Variants in LRRTM3 observed in about 807,000 individuals in gnomAD.
LRRTM3 encodes leucine-rich repeat transmembrane neuronal protein 3.
A neutral mutation model predicts 44.7 loss-of-function variants in LRRTM3; 24 were observed. The ratio of observed to expected loss-of-function variants is 0.54; its 90% CI spans 0.39 to 0.76. The LOEUF (loss-of-function observed/expected upper bound fraction) is 0.76, where lower values mean the gene tolerates loss of function less well. Among genes scored for constraint, LRRTM3 ranks in the 30% least tolerant of loss-of-function variants. LRRTM3 has a pLI of 0.00. For synonymous variants in LRRTM3, 277 were observed against 278.7 expected (o/e 0.99, Z 0.06); for missense variants, 587 against 702.2 (o/e 0.84, Z 1.85).
rs903906232 is a variant in LRRTM3 at position 67,099,020 on chromosome 10, G to C, written c.*1224G>C. 6.6e-6 allele frequency: 1 copy of C among 151,768 alleles called. No homozygotes were observed. Among genetic ancestry groups the C allele is most frequent in the South Asian group, 2.1e-4 (1 of 4,822 alleles). 9.4% of individuals were successfully genotyped at this position (151,768 alleles called of 1,614,324 possible). ...TGTACAGCTCATTCAATATAGATAT[G>C]AGCCATGGTGGAGAACTTTATCACT... is the stretch of plus-strand genomic sequence containing the variant. On this transcript the variant is annotated 3_prime_UTR_variant, in exon 3 of 3. Transcript: ENST00000361320.
intron 2 of LRRTM3, among the ~76,000 whole-genome samples, chr10:67,029,707 A>G (rs1853603320): frequency 6.6e-6 from 1 of 152,234 alleles, no homozygotes; most frequent in African/African-American, 2.4e-5. Flanking sequence ...GTAAAACAAA[A>G]GATATTTTTA....
At chr10:67,078,891 CA>C (rs1476386687) in intron 2 of LRRTM3, among the ~76,000 whole-genome samples, 1 of 152,164 alleles carries the variant, frequency 6.6e-6, no homozygotes, top group Non-Finnish European at 1.5e-5. Flanking sequence ...TTTGACAATG[CA>C]AAAGCAGAGA....
chr10:67,097,580 T>C lies in LRRTM3; in HGVS notation c.1537-7T>C, dbSNP rs1858082474. The C allele has an allele frequency of 6.2e-7, 1 of 1,611,200 alleles. No individual in the cohort carries two copies. The highest frequency in any genetic ancestry group is 1.3e-5 in the African/African-American group (1 of 74,856). On this transcript the variant is annotated splice_region_variant and splice_polypyrimidine_tract_variant and intron_variant, in intron 2 of 2. Transcript: ENST00000361320. Reference sequence around the variant, plus strand: ...TAACTGACTTTTCTCATGTCATTTTTCCCCAGATACCTTTATCAATGAATG... The same window carrying C: ...TAACTGACTTTTCTCATGTCATTTTCCCCCAGATACCTTTATCAATGAATG...
intron 2 of LRRTM3, among the ~76,000 whole-genome samples, chr10:67,044,336 A>C (rs1296596783): frequency 1.3e-5 from 2 of 152,192 alleles, no homozygotes; most frequent in Non-Finnish European, 2.9e-5. Flanking sequence ...AAAACGTTTA[A>C]AGTTTATTTC....
In LRRTM3 at chr10:67,100,126, T is replaced by C. The variant is rs1359295186; in HGVS notation, c.*2330T>C. Reference sequence around the variant, plus strand: ...TTTCTAGACACATTCAAATTGATAATGATTTTTAGAAATGTTAAGGTTCCA... The same window carrying C: ...TTTCTAGACACATTCAAATTGATAACGATTTTTAGAAATGTTAAGGTTCCA... On this transcript the variant is annotated 3_prime_UTR_variant, in exon 3 of 3. Coordinates refer to ENST00000361320, the MANE Select transcript of LRRTM3 (RefSeq NM_178011.5). 2.6e-5 allele frequency among the ~76,000 whole-genome samples: 4 copies of C among 151,766 alleles called. No individual in the cohort carries two copies. The highest frequency in any genetic ancestry group is 1.3e-4 in the Admixed American group (2 of 15,178).
intron 2 of LRRTM3, among the ~76,000 whole-genome samples, chr10:66,942,553 T>G (rs1848054376): frequency 2.1e-5 from 1 of 48,100 alleles, no homozygotes. Context: ...ATAATGTCTC[T>G]CTCTCTCTCT....
intron 2 of LRRTM3, among the ~76,000 whole-genome samples, chr10:67,045,166 A>G (rs1854650400): frequency 6.6e-6 from 1 of 152,214 alleles, no homozygotes; most frequent in African/African-American, 2.4e-5. Context: ...AACAAAATAC[A>G]AAATGTTTTG....
chr10:66,988,976 G>T (rs944269807), intron 2 of LRRTM3, among the ~76,000 whole-genome samples: 2 of 151,140 alleles, frequency 1.3e-5, no homozygotes, highest in Admixed American at 6.6e-5. Flanking sequence ...CCTGGGCTTT[G>T]GTCCTCGATG....
chr10:67,023,350 T>C (rs1487222238), intron 2 of LRRTM3, among the ~76,000 whole-genome samples: 1 of 152,160 alleles, frequency 6.6e-6, no homozygotes, highest in Non-Finnish European at 1.5e-5. Context: ...AGTTTCCTCA[T>C]GGCTTTTCAT....
chr10:66,984,733 A>G (rs1038291820), intron 2 of LRRTM3, among the ~76,000 whole-genome samples: 15 of 152,200 alleles, frequency 9.9e-5, no homozygotes, highest in Non-Finnish European at 2.2e-4. Flanking sequence ...TAAATGACTT[A>G]AGAAAATGTG....
At chr10:66,932,447 T>A (rs1847456784) in intron 2 of LRRTM3, among the ~76,000 whole-genome samples, 1 of 152,098 alleles carries the variant, frequency 6.6e-6, no homozygotes, top group South Asian at 2.1e-4. Context: ...AATAAAAAAT[T>A]CAGAATCTGT....
intron 2 of LRRTM3, among the ~76,000 whole-genome samples, chr10:66,949,013 A>T (rs1307563031): frequency 6.6e-6 from 1 of 152,196 alleles, no homozygotes; most frequent in African/African-American, 2.4e-5. Flanking sequence ...TTTGATTAGG[A>T]GACTCTGGAA....
chr10:67,004,012 A>C (rs1178024087), intron 2 of LRRTM3, among the ~76,000 whole-genome samples: 1 of 152,072 alleles, frequency 6.6e-6, no homozygotes, highest in African/African-American at 2.4e-5. Context: ...ACAAATATTG[A>C]GTGGAGGTAA....
intron 2 of LRRTM3, among the ~76,000 whole-genome samples, chr10:67,030,869 T>C (rs915746602): frequency 2.6e-5 from 4 of 152,094 alleles, no homozygotes; most frequent in African/African-American, 7.2e-5. Flanking sequence ...CCAGGTGTGG[T>C]GGCGGGAGTC....
At chr10:67,052,530 G>T (rs3818444) in intron 2 of LRRTM3, 53,801 of 152,112 alleles carry the variant, frequency 0.35, 11,195 homozygotes, top group East Asian at 0.51. Flanking sequence ...TGGTGATCAA[G>T]AAAGACAGCA....
chr10:66,930,512 T>C (rs1161525173), intron 2 of LRRTM3, among the ~76,000 whole-genome samples: 1 of 152,208 alleles, frequency 6.6e-6, no homozygotes, highest in African/African-American at 2.4e-5. Context: ...TTTGTATTAA[T>C]GAAATGCAGT....
At chr10:67,093,675 C>G (rs147359330) in intron 2 of LRRTM3, among the ~76,000 whole-genome samples, 7 of 151,798 alleles carry the variant, frequency 4.6e-5, no homozygotes, top group Non-Finnish European at 1.0e-4. Context: ...AAACTCCCCC[C>G]CAACAAAAGA....
intron 2 of LRRTM3, among the ~76,000 whole-genome samples, chr10:67,060,693 A>G (rs1855708359): frequency 6.6e-6 from 1 of 151,962 alleles, no homozygotes; most frequent in Non-Finnish European, 1.5e-5. Flanking sequence ...TTCTTCTACC[A>G]TGGCCAGTGA....
At chr10:66,930,810 G>C (rs948199349) in intron 2 of LRRTM3, among the ~76,000 whole-genome samples, 9 of 152,010 alleles carry the variant, frequency 5.9e-5, no homozygotes, top group Admixed American at 5.2e-4. Context: ...CATAATAATA[G>C]ATAAGAACGA....
Sources: gnomAD v4.1 joint callset for allele counts (sites outside exome capture counted in the v4.1 genomes callset) on GRCh38, gnomAD v4.1.1 for gene constraint, MANE v1.5 for transcripts, NCBI Gene and HGNC (gene_info 2026-07-23, HGNC 2026-07-21) for gene names.